ATP6V0A1: variants seen among roughly 807,000 people sequenced by gnomAD.
The protein encoded by ATP6V0A1 is ATPase H+ transporting V0 subunit a1, also known as V-type proton ATPase 116 kDa subunit a 1.
ATP6V0A1 carries 43 observed loss-of-function variants against 105.4 expected under a neutral mutation model. The ratio of observed to expected loss-of-function variants is 0.41; its 90% CI spans 0.32 to 0.53. The LOEUF (loss-of-function observed/expected upper bound fraction) is 0.53. ATP6V0A1 is among the 20% of genes least tolerant of loss of function. ATP6V0A1 has a pLI of 0.30. For synonymous variants in ATP6V0A1, 362 were observed against 372.8 expected (o/e 0.97, Z 0.33); for missense variants, 676 against 1,051.1 (o/e 0.64, Z 4.93).
chr17:42,468,466 C>T (rs1404037760), intron 4 of ATP6V0A1, among the ~76,000 whole-genome samples: 1 of 152,136 alleles, frequency 6.6e-6, no homozygotes, highest in Non-Finnish European at 1.5e-5. Context: ...TGCTATTGAG[C>T]ATTAGAACTT....
intron 5 of ATP6V0A1, among the ~76,000 whole-genome samples, chr17:42,473,078 G>A (rs1235919737): frequency 6.6e-6 from 1 of 152,148 alleles, no homozygotes; most frequent in Non-Finnish European, 1.5e-5. Context: ...AGGGAAAGGG[G>A]AAAAACTCAT....
chr17:42,521,757 C>T lies in ATP6V0A1; in HGVS notation c.*637C>T, dbSNP rs774123629. The T allele has an allele frequency of 1.3e-5, 2 of 152,864 alleles. No individual in the cohort carries two copies. Among genetic ancestry groups the T allele is most frequent in the Non-Finnish European group, 2.9e-5 (2 of 68,506 alleles). 9.5% of individuals were successfully genotyped at this position (152,864 alleles called of 1,614,324 possible). A position where few individuals can be genotyped will look rare whatever the true frequency, so the allele number is the denominator to read the frequency against. On this transcript the variant is annotated 3_prime_UTR_variant, in exon 22 of 22. Transcript: ENST00000343619. This position sits in a 1 kb window ranked among gnomAD's most constrained non-coding sequence, Gnocchi z 4.8. The stretch of plus-strand genomic sequence containing the variant: ...CCTTTCTGACCCCACCCTGCACTCC[C>T]ATCCTTTCCTCTCTCCCCGTTCATG...
chr17:42,508,344 A>T (rs1415626401), intron 18 of ATP6V0A1, among the ~76,000 whole-genome samples: 2 of 152,234 alleles, frequency 1.3e-5, no homozygotes, highest in Admixed American at 6.5e-5. Flanking sequence ...ATGATTTTTT[A>T]AAAAAGAAAT....
chr17:42,491,665 T>C (rs930108732), intron 11 of ATP6V0A1, among the ~76,000 whole-genome samples: 17 of 152,292 alleles, frequency 1.1e-4, no homozygotes, highest in Non-Finnish European at 1.6e-4. Context: ...GTATTTTTAG[T>C]CGAGACGGGG....
At chr17:42,470,340 C>T in intron 5 of ATP6V0A1, 122 bp downstream of exon 5, 1 of 1,192,216 alleles carries the variant, frequency 8.4e-7, no homozygotes. Flanking sequence ...TTTTTGCACC[C>T]TGTTTTAGTT....
chr17:42,484,634 C>T lies in ATP6V0A1; in HGVS notation c.810+1503C>T, dbSNP rs187439954. ...TGTGGTTTATGCACACCACGGTTAT[C>T]ACAGGGCTCTGAGGGAGGAGTTGTG... On this transcript the variant is annotated intron_variant, in intron 9 of 21. Coordinates refer to ENST00000343619, the MANE Select transcript of ATP6V0A1 (RefSeq NM_001130021.3). Among the ~76,000 whole-genome samples, 607 of 152,222 alleles carry T rather than the reference C, an allele frequency of 4.0e-3. 7 individuals carry two copies. Among genetic ancestry groups the T allele is most frequent in the African/African-American group, 0.013 (531 of 41,534 alleles).
intron 2 of ATP6V0A1, among the ~76,000 whole-genome samples, chr17:42,463,595 G>A (rs1162195522): frequency 1.3e-5 from 2 of 152,074 alleles, no homozygotes; most frequent in Non-Finnish European, 2.9e-5. Flanking sequence ...TTACTCTTTT[G>A]GGGCTATTAT....
chr17:42,472,509 G>A (rs2145752230), intron 5 of ATP6V0A1, among the ~76,000 whole-genome samples: 1 of 151,972 alleles, frequency 6.6e-6, no homozygotes, highest in Admixed American at 6.6e-5. Flanking sequence ...GGGATCACGA[G>A]GTCAGGAGTT....
chr17:42,487,031 A>G, intron 9 of ATP6V0A1, 124 bp from the exon 10 acceptor site: 2 of 899,734 alleles, frequency 2.2e-6, no homozygotes, highest in Non-Finnish European at 3.5e-6. Flanking sequence ...CATTCTAGCC[A>G]GAGGAAGAAA....
At chr17:42,479,445 G>A (rs889248114) in intron 7 of ATP6V0A1, among the ~76,000 whole-genome samples, 1 of 152,216 alleles carries the variant, frequency 6.6e-6, no homozygotes, top group Non-Finnish European at 1.5e-5. Context: ...AGAGTTTATC[G>A]TCTAAACCTG....
At chr17:42,500,088 A>G (rs2146119828) in intron 15 of ATP6V0A1, among the ~76,000 whole-genome samples, 1 of 151,858 alleles carries the variant, frequency 6.6e-6, no homozygotes, top group South Asian at 2.1e-4. Flanking sequence ...AAAAAAAAAA[A>G]AAAAAAGTTA....
intron 9 of ATP6V0A1, among the ~76,000 whole-genome samples, chr17:42,486,319 G>T (rs1200099247): frequency 2.0e-5 from 3 of 152,068 alleles, no homozygotes; most frequent in Non-Finnish European, 4.4e-5. Context: ...GCTGAGGCGG[G>T]AGAATCGTTT....
chr17:42,460,884 C>T lies in ATP6V0A1; in HGVS notation c.-11C>T, dbSNP rs770616441. 1.2e-6 allele frequency: 2 copies of T among 1,607,322 alleles called. No homozygotes were observed. The highest frequency in any genetic ancestry group is 3.3e-5 in the Admixed American group (2 of 59,994). On this transcript the variant is annotated 5_prime_UTR_variant, in exon 2 of 22. Transcript: ENST00000343619. ...ATCCAGGTACTCACTAGACTGGTAC[C>T]TTCTGCCACCATGGGGGAGCTTTTC... is the stretch of plus-strand genomic sequence containing the variant.
At chr17:42,520,875 G>A in intron 21 of ATP6V0A1, 152 bp from the exon 22 acceptor site, 1 of 686,832 alleles carries the variant, frequency 1.5e-6, no homozygotes, top group South Asian at 1.8e-5. Flanking sequence ...TTAAAAGTGG[G>A]ATCTCTGCAC....
chr17:42,496,061 C>CA (rs11352520), intron 14 of ATP6V0A1: 6,109 of 97,014 alleles, frequency 0.063, 194 homozygotes, highest in Non-Finnish European at 0.084. Context: ...GACTCCGTCT[C>CA]AAAAAAAAAA....
intron 9 of ATP6V0A1, among the ~76,000 whole-genome samples, chr17:42,484,490 C>T (rs2089901617): frequency 6.6e-6 from 1 of 152,176 alleles, no homozygotes; most frequent in African/African-American, 2.4e-5. Flanking sequence ...GTCCCAATAG[C>T]TCGGCATGCA....
intron 5 of ATP6V0A1, among the ~76,000 whole-genome samples, chr17:42,475,923 G>A (rs1043456729): frequency 6.6e-6 from 1 of 152,164 alleles, no homozygotes; most frequent in Non-Finnish European, 1.5e-5. Context: ...TTTTCCATCA[G>A]TTAGAGCACA....
chr17:42,473,649 C>T (rs1289825617), intron 5 of ATP6V0A1, among the ~76,000 whole-genome samples: 1 of 152,130 alleles, frequency 6.6e-6, no homozygotes, highest in Admixed American at 6.6e-5. Context: ...TAGTTTACTG[C>T]TGAGATATTG....
chr17:42,484,183 G>A (rs1038879976), intron 9 of ATP6V0A1, among the ~76,000 whole-genome samples: 7 of 151,738 alleles, frequency 4.6e-5, no homozygotes, highest in South Asian at 2.1e-4. Context: ...TCAGCCTCTC[G>A]AGTAGCTGGG....
Sources: allele counts gnomAD v4.1 joint callset (sites outside exome capture counted in the v4.1 genomes callset), GRCh38; gene constraint gnomAD v4.1.1; non-coding constraint Gnocchi (gnomAD v3.1); transcripts MANE v1.5; gene names NCBI Gene and HGNC (gene_info 2026-07-23, HGNC 2026-07-21).